The following CNKSR3 variants were observed in gnomAD, a reference collection of about 807,000 sequenced individuals.
The protein encoded by CNKSR3 is CNKSR family member 3, also known as connector enhancer of kinase suppressor of ras 3.
Under a neutral mutation model 67.7 loss-of-function variants are expected in CNKSR3, and 36 were observed. That is an observed-to-expected ratio of 0.53 (90% confidence interval 0.41 to 0.70). The LOEUF is 0.70. CNKSR3 is among the 30% of genes least tolerant of loss of function. CNKSR3 has a pLI of 0.00. For missense variants in CNKSR3, 630 were observed against 695.2 expected (o/e 0.91, Z 1.05); for synonymous variants, 281 against 271.4 (o/e 1.04, Z -0.35).
At chr6:154,496,472 A>G (rs964559849) in intron 1 of CNKSR3, among the ~76,000 whole-genome samples, 1 of 152,176 alleles carries the variant, frequency 6.6e-6, no homozygotes, top group Non-Finnish European at 1.5e-5. Flanking sequence ...GAGAAGCACC[A>G]TCTGATTGCT....
rs1320805743 is a variant in CNKSR3 at position 154,400,701 on chromosome 6, G to C, written c.*5653C>G. 1 of 152,112 alleles carries C rather than the reference G, an allele frequency of 6.6e-6. No homozygotes were observed. The highest frequency in any genetic ancestry group is 1.5e-5 in the Non-Finnish European group (1 of 68,010). The allele number at this position is 152,112 out of a possible 1,614,324, so 9.4% of individuals were successfully genotyped here. A position where few individuals can be genotyped will look rare whatever the true frequency, so the allele number is the denominator to read the frequency against. ...GACAGACTCCACACCCCTAAAACTA[G>C]AGGAAAAACAAGGCCCTCTAGCAGG... is the stretch of plus-strand genomic sequence containing the variant. On this transcript the variant is annotated 3_prime_UTR_variant, in exon 13 of 13. Transcript: ENST00000607772.
At chr6:154,444,605 C>A (rs1785668002) in intron 2 of CNKSR3, among the ~76,000 whole-genome samples, 3 of 135,848 alleles carry the variant, frequency 2.2e-5, no homozygotes, top group Non-Finnish European at 3.2e-5. Flanking sequence ...AGTGGAGAAA[C>A]TTTTTTTTTT....
rs546503468 is a variant in CNKSR3 at position 154,472,664 on chromosome 6, T to C, written c.53-22406A>G. ...ATCATGCCGCCAACAGCTACAACAGTTCTTGGGACAGAGGAGATATTCAAG... is the reference window on the plus strand; with the variant it reads ...ATCATGCCGCCAACAGCTACAACAGCTCTTGGGACAGAGGAGATATTCAAG... On this transcript the variant is annotated intron_variant, in intron 1 of 12. Transcript: ENST00000607772. Among the ~76,000 whole-genome samples, 96 of 152,268 alleles carry C rather than the reference T, an allele frequency of 6.3e-4. No homozygotes were observed. In the Middle Eastern group the frequency reaches 0.01, roughly 16 times the overall value.
intron 1 of CNKSR3, among the ~76,000 whole-genome samples, chr6:154,456,862 T>C (rs1785970994): frequency 6.6e-6 from 1 of 152,096 alleles, no homozygotes; most frequent in East Asian, 1.9e-4. Context: ...AACTACTATA[T>C]GTAAGATACT....
intron 5 of CNKSR3, among the ~76,000 whole-genome samples, chr6:154,432,782 C>T (rs1278183253): frequency 6.6e-6 from 1 of 152,158 alleles, no homozygotes; most frequent in East Asian, 1.9e-4. Context: ...ACAGTGGCTA[C>T]GTGTGGTATT....
intron 1 of CNKSR3, among the ~76,000 whole-genome samples, chr6:154,488,285 C>T (rs534903645): frequency 1.3e-5 from 2 of 152,344 alleles, no homozygotes; most frequent in African/African-American, 4.8e-5. Context: ...TCATTTACCA[C>T]TCCCAGGAAG....
intron 2 of CNKSR3, among the ~76,000 whole-genome samples, chr6:154,444,852 A>G (rs868839745): frequency 1.3e-5 from 2 of 152,094 alleles, no homozygotes; most frequent in Middle Eastern, 3.4e-3. Context: ...TGATCCGCCC[A>G]CCTTGGCCTC....
At chr6:154,429,141 A>G (rs1785313054) in intron 6 of CNKSR3, among the ~76,000 whole-genome samples, 2 of 152,200 alleles carry the variant, frequency 1.3e-5, no homozygotes, top group African/African-American at 4.8e-5. Flanking sequence ...CACCACGTGT[A>G]CATTTTTTTT....
intron 7 of CNKSR3, among the ~76,000 whole-genome samples, chr6:154,424,261 G>T (rs1251960360): frequency 1.3e-5 from 2 of 149,358 alleles, no homozygotes; most frequent in Non-Finnish European, 3.0e-5. Flanking sequence ...AAAGAAAAAA[G>T]AAATATAAAG....
At chr6:154,409,763 G>A (rs1376872547) in intron 12 of CNKSR3, among the ~76,000 whole-genome samples, 6 of 151,948 alleles carry the variant, frequency 3.9e-5, no homozygotes, top group Non-Finnish European at 8.8e-5. Flanking sequence ...TAGACTATTG[G>A]CTGGGTATGG....
At chr6:154,411,749 T>C (rs1368766804) in intron 10 of CNKSR3, among the ~76,000 whole-genome samples, 2 of 151,956 alleles carry the variant, frequency 1.3e-5, no homozygotes, top group Non-Finnish European at 2.9e-5. Flanking sequence ...TAGCTGAATA[T>C]CCTATTTACT....
At position 154,432,413 on chromosome 6, in the gene CNKSR3, T is replaced by C. The variant is rs990422247; in HGVS notation, c.549+1053A>G. On this transcript the variant is annotated intron_variant, in intron 5 of 12. Transcript: ENST00000607772. ...GTTCTTGTTCTTTGTATATTTTGGATACAAGTCCTTTATCTGATAGGTGTT... is the reference window on the plus strand; with the variant it reads ...GTTCTTGTTCTTTGTATATTTTGGACACAAGTCCTTTATCTGATAGGTGTT... Among the ~76,000 whole-genome samples, 4 of 152,230 alleles carry C rather than the reference T, an allele frequency of 2.6e-5. No homozygotes were observed. The East Asian group carries it at 7.7e-4, about 29-fold the overall frequency.
At chr6:154,478,539 A>G (rs1786501454) in intron 1 of CNKSR3, 1 of 152,312 alleles carries the variant, frequency 6.6e-6, no homozygotes, top group Admixed American at 6.5e-5. Flanking sequence ...CGGAGCTGTG[A>G]CACTCATCTC....
intron 1 of CNKSR3, among the ~76,000 whole-genome samples, chr6:154,462,910 T>C (rs1460546030): frequency 6.6e-6 from 1 of 152,148 alleles, no homozygotes; most frequent in Non-Finnish European, 1.5e-5. Context: ...TTTCGCCACC[T>C]GCACTGCCCA....
intron 4 of CNKSR3, among the ~76,000 whole-genome samples, chr6:154,437,670 C>A (rs1249253856): frequency 6.6e-6 from 1 of 152,076 alleles, no homozygotes; most frequent in Non-Finnish European, 1.5e-5. Flanking sequence ...CCCGCCCTGG[C>A]CTCCCAAAGT....
chr6:154,431,989 G>T (rs1449565375), intron 5 of CNKSR3, among the ~76,000 whole-genome samples: 1 of 152,042 alleles, frequency 6.6e-6, no homozygotes, highest in Non-Finnish European at 1.5e-5. Flanking sequence ...CACATTTTTT[G>T]ATGTAAATTT....
intron 9 of CNKSR3, among the ~76,000 whole-genome samples, chr6:154,415,620 A>C (rs1384621545): frequency 6.6e-6 from 1 of 152,220 alleles, no homozygotes; most frequent in African/African-American, 2.4e-5. Context: ...GATAGCACCA[A>C]CATAGGGTGG....
At chr6:154,482,058 G>A (rs917211651) in intron 1 of CNKSR3, among the ~76,000 whole-genome samples, 12 of 152,130 alleles carry the variant, frequency 7.9e-5, no homozygotes, top group Admixed American at 3.3e-4. Flanking sequence ...CCTACTTCTC[G>A]GCACTAAAAT....
chr6:154,392,065 C>T lies in CNKSR3; in HGVS notation c.*14289G>A, dbSNP rs150500269. The stretch of plus-strand genomic sequence containing the variant: ...TCACTATTAAAAATACAAAAATTAG[C>T]TTGGTGTGGTGGTGCGCACCTGTAG... On this transcript the variant is annotated 3_prime_UTR_variant, in exon 13 of 13. Coordinates refer to ENST00000607772, the MANE Select transcript of CNKSR3 (RefSeq NM_173515.4). The T allele has an allele frequency of 0.013, 1,948 of 152,148 alleles. 26 individuals are homozygous for T. Among genetic ancestry groups the T allele is most frequent in the Middle Eastern group, 0.044 (13 of 298 alleles). The allele number at this position is 152,148 out of a possible 1,614,324, so 9.4% of individuals were successfully genotyped here.
Sources: allele counts gnomAD v4.1 joint callset (sites outside exome capture counted in the v4.1 genomes callset), GRCh38; gene constraint gnomAD v4.1.1; transcripts MANE v1.5; gene names NCBI Gene and HGNC (gene_info 2026-07-23, HGNC 2026-07-21).